Variants in IGF1R observed in about 807,000 individuals in gnomAD.
The protein encoded by IGF1R is insulin-like growth factor 1 receptor.
A neutral mutation model predicts 144.6 loss-of-function variants in IGF1R; 44 were observed. That is an observed-to-expected ratio of 0.30 (90% CI 0.24 to 0.39). The LOEUF is 0.39. Ranked by LOEUF, IGF1R falls within the 10% of genes least tolerant of loss-of-function variation. The probability of loss-of-function intolerance (pLI) is 1.00; values close to 1 mark genes in which losing one functional copy is unlikely to be tolerated. For missense variants in IGF1R, 1,355 were observed against 1,833.7 expected (o/e 0.74, Z 4.77); for synonymous variants, 795 against 722.8 (o/e 1.10, Z -1.60).
chr15:98,649,722 C>G (rs910130615), intron 1 of IGF1R, 47 bp downstream of exon 1: 1 of 1,396,028 alleles, frequency 7.2e-7, no homozygotes, highest in African/African-American at 1.4e-5. Flanking sequence ...ACTTTTCCTC[C>G]GAGGGGCTGC....
rs181414412 is a variant in IGF1R at position 98,951,805 on chromosome 15, G to A, written c.3722+3097G>A. On this transcript the variant is annotated intron_variant, in intron 20 of 20. Transcript: ENST00000650285. ...CGGCACACTCTTTCTCTAAAAGGCC[G>A]GCTAAAAAAATGTTTTTGGCTCTGT... Among the ~76,000 whole-genome samples the A allele has an allele frequency of 5.5e-4, 83 of 152,102 alleles. 1 individual carries two copies. Among genetic ancestry groups the A allele is most frequent in the South Asian group, 2.5e-3 (12 of 4,828 alleles).
At chr15:98,782,812 T>C (rs2141396938) in intron 2 of IGF1R, among the ~76,000 whole-genome samples, 1 of 152,378 alleles carries the variant, frequency 6.6e-6, no homozygotes, top group South Asian at 2.1e-4. Flanking sequence ...ATTACTGTAA[T>C]TGCTCATTTT....
At chr15:98,845,674 A>G (rs565235556) in intron 2 of IGF1R, among the ~76,000 whole-genome samples, 9 of 151,768 alleles carry the variant, frequency 5.9e-5, no homozygotes, top group African/African-American at 1.5e-4. Flanking sequence ...CTTCTGTTCT[A>G]CTACTGCATC....
At chr15:98,922,718 G>A (rs576309943) in intron 11 of IGF1R, among the ~76,000 whole-genome samples, 5 of 152,220 alleles carry the variant, frequency 3.3e-5, no homozygotes, top group East Asian at 1.9e-4. Flanking sequence ...GGTGCACATC[G>A]TGCATTCCTG....
chr15:98,649,774 G>A (rs2052303665), intron 1 of IGF1R, 99 bp downstream of exon 1: 1 of 892,832 alleles, frequency 1.1e-6, no homozygotes, highest in Non-Finnish European at 1.8e-6. Context: ...CGCAGCTGTC[G>A]GGCCCCCGGG....
At chr15:98,837,714 T>G (rs753072416) in intron 2 of IGF1R, among the ~76,000 whole-genome samples, 29 of 152,342 alleles carry the variant, frequency 1.9e-4, no homozygotes, top group Middle Eastern at 3.4e-3. Flanking sequence ...CTGCCATGCT[T>G]TAATGGCAAT....
chr15:98,895,233 C>CAG (rs201501197), intron 3 of IGF1R, among the ~76,000 whole-genome samples: 6,129 of 61,530 alleles, frequency 0.1, 222 homozygotes, highest in East Asian at 0.3. Context: ...CACACACACA[C>CAG]ACACACACAC....
chr15:98,877,846 CA>C (rs1290009334), intron 2 of IGF1R, among the ~76,000 whole-genome samples: 1 of 152,170 alleles, frequency 6.6e-6, no homozygotes, highest in Non-Finnish European at 1.5e-5. Flanking sequence ...AAAATTTTAT[CA>C]GAAACATTGC....
chr15:98,912,011 G>A (rs1400556526), intron 7 of IGF1R, among the ~76,000 whole-genome samples: 1 of 152,178 alleles, frequency 6.6e-6, no homozygotes, highest in Non-Finnish European at 1.5e-5. Flanking sequence ...ACTCTGTTGG[G>A]AGCTTTTCCT....
chr15:98,654,617 C>T (rs1278245134), intron 1 of IGF1R, among the ~76,000 whole-genome samples: 1 of 151,820 alleles, frequency 6.6e-6, no homozygotes, highest in South Asian at 2.1e-4. Context: ...TGATTTTCCC[C>T]AATTTGTTTT....
At chr15:98,710,340 T>C (rs1183519138) in intron 2 of IGF1R, among the ~76,000 whole-genome samples, 2 of 152,186 alleles carry the variant, frequency 1.3e-5, no homozygotes, top group East Asian at 3.9e-4. Flanking sequence ...AACTCAGGCA[T>C]GGGCATATTT....
chr15:98,850,708 G>A (rs994226463), intron 2 of IGF1R, among the ~76,000 whole-genome samples: 1 of 152,174 alleles, frequency 6.6e-6, no homozygotes, highest in Non-Finnish European at 1.5e-5. Flanking sequence ...ATGTGTACAG[G>A]GAATCACTGA....
chr15:98,846,181 A>T (rs183386554), intron 2 of IGF1R, among the ~76,000 whole-genome samples: 100 of 152,334 alleles, frequency 6.6e-4, no homozygotes, highest in African/African-American at 2.3e-3. Context: ...ATAAAATTTT[A>T]AAATTACACC....
chr15:98,800,755 G>T (rs1317064944), intron 2 of IGF1R, among the ~76,000 whole-genome samples: 1 of 152,126 alleles, frequency 6.6e-6, no homozygotes, highest in African/African-American at 2.4e-5. Flanking sequence ...GGAAAACACC[G>T]GCACAAAACA....
chr15:98,902,799 T>G (rs2014551912), intron 5 of IGF1R, among the ~76,000 whole-genome samples: 1 of 152,202 alleles, frequency 6.6e-6, no homozygotes, highest in Non-Finnish European at 1.5e-5. Flanking sequence ...TAGCCTTTTG[T>G]TTTTGATGGA....
intron 2 of IGF1R, among the ~76,000 whole-genome samples, chr15:98,738,820 A>G (rs1009265968): frequency 3.3e-5 from 5 of 152,184 alleles, no homozygotes; most frequent in Non-Finnish European, 7.3e-5. Flanking sequence ...TCCCGCAGCC[A>G]TGAAAGGTAG....
At chr15:98,763,028 G>A (rs1486114551) in intron 2 of IGF1R, among the ~76,000 whole-genome samples, 1 of 136,508 alleles carries the variant, frequency 7.3e-6, no homozygotes, top group African/African-American at 2.7e-5. Context: ...CCTGGCGACA[G>A]AGCTAGGTTC....
chr15:98,721,031 G>A (rs1056224477), intron 2 of IGF1R, among the ~76,000 whole-genome samples: 2 of 152,162 alleles, frequency 1.3e-5, no homozygotes, highest in African/African-American at 4.8e-5. Context: ...TGGGAGTTGG[G>A]TGCGTTCTGC....
At chr15:98,754,889 C>T (rs913036583) in intron 2 of IGF1R, among the ~76,000 whole-genome samples, 16 of 152,178 alleles carry the variant, frequency 1.1e-4, no homozygotes, top group African/African-American at 3.9e-4. Flanking sequence ...CTGAGGATAG[C>T]TGCTGCAGTG....
Sources: gnomAD v4.1 joint callset for allele counts (sites outside exome capture counted in the v4.1 genomes callset) on GRCh38, gnomAD v4.1.1 for gene constraint, MANE v1.5 for transcripts, NCBI Gene and HGNC (gene_info 2026-07-23, HGNC 2026-07-21) for gene names.